The following RTN1 variants were observed in gnomAD, a reference collection of about 807,000 sequenced individuals.
The protein encoded by RTN1 is reticulon-1.
RTN1 carries 25 observed loss-of-function variants against 65.5 expected under a neutral mutation model. The observed-to-expected ratio is 0.38, with a 90% CI of 0.28 to 0.53. RTN1 has a LOEUF of 0.53. Ranked by LOEUF, RTN1 falls within the 20% of genes least tolerant of loss-of-function variation. The pLI, the probability that RTN1 is intolerant of heterozygous loss-of-function variation, is 0.79. For synonymous variants in RTN1, 471 were observed against 447.6 expected (o/e 1.05, Z -0.66); for missense variants, 983 against 1,025.4 (o/e 0.96, Z 0.57).
intron 3 of RTN1, among the ~76,000 whole-genome samples, chr14:59,636,692 T>C (rs1003268947): frequency 3.9e-5 from 6 of 152,220 alleles, no homozygotes; most frequent in Non-Finnish European, 7.3e-5. Flanking sequence ...TGGGTTCTGT[T>C]TGAGACCACT....
intron 2 of RTN1, among the ~76,000 whole-genome samples, chr14:59,731,811 C>A (rs1884903339): frequency 6.6e-6 from 1 of 152,168 alleles, no homozygotes; most frequent in African/African-American, 2.4e-5. Flanking sequence ...CTGATCTCAT[C>A]TCTTCTCAGA....
intron 1 of RTN1, among the ~76,000 whole-genome samples, chr14:59,840,416 C>T (rs1456067179): frequency 6.6e-6 from 1 of 152,194 alleles, no homozygotes; most frequent in African/African-American, 2.4e-5. Flanking sequence ...AAGTGACTAG[C>T]TCCTTCTTTT....
chr14:59,679,809 C>T (rs1243706406), intron 3 of RTN1, among the ~76,000 whole-genome samples: 17 of 152,148 alleles, frequency 1.1e-4, no homozygotes, highest in Admixed American at 1.1e-3. Context: ...TCCATACAGA[C>T]TTGCATATAA....
chr14:59,870,475 G>A lies in RTN1; in HGVS notation c.156C>T (p.Gly52=). ...PQAGEPSPGL[G]ARAREAASRE... ...GCGACGCCGCTTCCCGGGCCCTGGC[G>A]CCCAACCCCGGGCTGGGCTCCCCAG... The change falls in exon 1 of 9, where the codon GGC becomes GGT. Residue 52 remains glycine (G), a synonymous_variant. Transcript: ENST00000267484. The surrounding 1 kb of genome is among the most constrained non-coding windows in gnomAD (Gnocchi z 5.1). The A allele has an allele frequency of 2.0e-6, 3 of 1,475,170 alleles. No individual in the cohort carries two copies. The highest frequency in any genetic ancestry group is 1.5e-5 in the African/African-American group (1 of 68,726). The allele number at this position is 1,475,170 out of a possible 1,614,324, so 91.4% of individuals were successfully genotyped here. A position where few individuals can be genotyped will look rare whatever the true frequency, so the allele number is the denominator to read the frequency against.
At chr14:59,751,359 C>T (rs1885519334) in intron 1 of RTN1, among the ~76,000 whole-genome samples, 1 of 152,090 alleles carries the variant, frequency 6.6e-6, no homozygotes, top group Non-Finnish European at 1.5e-5. Flanking sequence ...TGCACACACA[C>T]CTTTATCCTG....
intron 3 of RTN1, among the ~76,000 whole-genome samples, chr14:59,641,764 T>G (rs561907033): frequency 6.6e-6 from 1 of 152,354 alleles, no homozygotes; most frequent in East Asian, 1.9e-4. Context: ...TACAAATTCT[T>G]GTACAATACA....
intron 2 of RTN1, among the ~76,000 whole-genome samples, chr14:59,742,235 T>C (rs570410227): frequency 7.9e-5 from 12 of 152,328 alleles, no homozygotes; most frequent in Admixed American, 3.9e-4. Flanking sequence ...TGAGGGAAAC[T>C]GGGGTGTTTT....
intron 1 of RTN1, among the ~76,000 whole-genome samples, chr14:59,855,405 T>C (rs989302922): frequency 2.0e-5 from 3 of 152,202 alleles, no homozygotes; most frequent in East Asian, 3.8e-4. Flanking sequence ...TAGTTCTTTA[T>C]AGCTTTTATT....
intron 1 of RTN1, among the ~76,000 whole-genome samples, chr14:59,864,967 T>A (rs1015432663): frequency 6.6e-6 from 1 of 152,196 alleles, no homozygotes; most frequent in African/African-American, 2.4e-5. Flanking sequence ...TTTGTGCAGT[T>A]TATAAATTAA....
At chr14:59,720,721 CA>C (rs3036118) in intron 3 of RTN1, among the ~76,000 whole-genome samples, 3,494 of 133,750 alleles carry the variant, frequency 0.026, 59 homozygotes, top group African/African-American at 0.054. Flanking sequence ...GACCCTATCT[CA>C]AAAAAAAAAA....
intron 2 of RTN1, among the ~76,000 whole-genome samples, chr14:59,733,169 G>A (rs1189956044): frequency 6.6e-6 from 1 of 151,466 alleles, no homozygotes; most frequent in South Asian, 2.1e-4. Flanking sequence ...CCTGCTCACT[G>A]TAACCTCCGC....
At chr14:59,621,352 T>C (rs534319798) in intron 3 of RTN1, among the ~76,000 whole-genome samples, 1 of 152,226 alleles carries the variant, frequency 6.6e-6, no homozygotes, top group Non-Finnish European at 1.5e-5. Context: ...CTTACTAGGA[T>C]AGGCATATTA....
chr14:59,857,498 T>G (rs1015189425), intron 1 of RTN1, among the ~76,000 whole-genome samples: 1 of 152,136 alleles, frequency 6.6e-6, no homozygotes, highest in Admixed American at 6.5e-5. Context: ...GGCACAAAAC[T>G]GCAGCCATTT....
At chr14:59,835,504 A>G (rs989611714) in intron 1 of RTN1, among the ~76,000 whole-genome samples, 1 of 152,188 alleles carries the variant, frequency 6.6e-6, no homozygotes, top group African/African-American at 2.4e-5. Context: ...TAATAATTTC[A>G]TTCATTTATT....
intron 3 of RTN1, among the ~76,000 whole-genome samples, chr14:59,685,030 A>C (rs756837319): frequency 6.6e-6 from 1 of 152,200 alleles, no homozygotes; most frequent in Non-Finnish European, 1.5e-5. Context: ...AACATATGCA[A>C]ATCAATAAAT....
chr14:59,636,626 G>A (rs531290709), intron 3 of RTN1, among the ~76,000 whole-genome samples: 150 of 152,090 alleles, frequency 9.9e-4, no homozygotes, highest in Non-Finnish European at 1.8e-3. Flanking sequence ...TATTAATTCC[G>A]TTTGAAGATT....
At chr14:59,615,791 A>G (rs894865656) in intron 3 of RTN1, among the ~76,000 whole-genome samples, 6 of 152,160 alleles carry the variant, frequency 3.9e-5, no homozygotes, top group Non-Finnish European at 7.4e-5. Flanking sequence ...AATGGCAGGG[A>G]AAAAAAGGAG....
At chr14:59,686,421 T>C (rs555443850) in intron 3 of RTN1, among the ~76,000 whole-genome samples, 1 of 152,290 alleles carries the variant, frequency 6.6e-6, no homozygotes, top group Non-Finnish European at 1.5e-5. Flanking sequence ...AAACTATACC[T>C]CTGATAAGGA....
chr14:59,680,307 G>C (rs998066599), intron 3 of RTN1, among the ~76,000 whole-genome samples: 2 of 152,322 alleles, frequency 1.3e-5, no homozygotes, highest in Middle Eastern at 3.4e-3. Flanking sequence ...ACCAGTTAGA[G>C]AAGCATTTCT....
Sources: allele counts gnomAD v4.1 joint callset (sites outside exome capture counted in the v4.1 genomes callset), GRCh38; gene constraint gnomAD v4.1.1; non-coding constraint Gnocchi (gnomAD v3.1); transcripts MANE v1.5; gene names NCBI Gene and HGNC (gene_info 2026-07-23, HGNC 2026-07-21).